Variants in GRID2 observed in about 807,000 individuals in gnomAD.
The protein encoded by GRID2 is glutamate receptor ionotropic, delta-2.
GRID2 carries 33 observed loss-of-function variants against 114.8 expected under a neutral mutation model. The observed-to-expected ratio is 0.29, with a 90% confidence interval of 0.22 to 0.38. The LOEUF is 0.38. GRID2 is among the 10% of genes least tolerant of loss of function. GRID2 has a pLI of 1.00. For synonymous variants in GRID2, 505 were observed against 449.9 expected, an observed-to-expected ratio of 1.12 and a Z score of -1.55; for missense variants, 1,184 against 1,257.7, an observed-to-expected ratio of 0.94 and a Z score of 0.89.
intron 2 of GRID2, among the ~76,000 whole-genome samples, chr4:92,661,247 G>A (rs1265363477): frequency 1.3e-5 from 2 of 150,762 alleles, no homozygotes; most frequent in Admixed American, 6.7e-5. Context: ...TCTGAAATGT[G>A]ACAAAAGTTA....
At chr4:93,362,616 C>T (rs936784136) in intron 8 of GRID2, among the ~76,000 whole-genome samples, 5 of 151,990 alleles carry the variant, frequency 3.3e-5, no homozygotes, top group African/African-American at 1.2e-4. Context: ...GTTCAATAAG[C>T]TATGTAGGGA....
chr4:92,405,889 T>C (rs931361691), intron 1 of GRID2, among the ~76,000 whole-genome samples: 14 of 152,058 alleles, frequency 9.2e-5, no homozygotes, highest in African/African-American at 3.1e-4. Context: ...GGGGAGTTTA[T>C]TAAGTATTAA....
intron 2 of GRID2, among the ~76,000 whole-genome samples, chr4:92,870,208 G>T (rs1204687459): frequency 6.7e-6 from 1 of 149,144 alleles, no homozygotes; most frequent in Non-Finnish European, 1.5e-5. Flanking sequence ...CTCTAAAAAA[G>T]AACAAAAAAA....
At chr4:93,497,819 T>C (rs2149469414) in intron 12 of GRID2, among the ~76,000 whole-genome samples, 1 of 151,988 alleles carries the variant, frequency 6.6e-6, no homozygotes, top group African/African-American at 2.4e-5. Context: ...TTTAGTTCCT[T>C]TGTCTTTTTA....
chr4:93,725,975 C>A (rs1276156714), intron 14 of GRID2, among the ~76,000 whole-genome samples: 1 of 152,142 alleles, frequency 6.6e-6, no homozygotes, highest in African/African-American at 2.4e-5. Context: ...TGTGCAGAAG[C>A]TCTTTAGTTT....
chr4:92,405,930 C>T (rs553900235), intron 1 of GRID2, among the ~76,000 whole-genome samples: 3 of 152,116 alleles, frequency 2.0e-5, no homozygotes, highest in South Asian at 4.1e-4. Context: ...CACAACAGGC[C>T]GTCTGCAAGC....
chr4:92,905,405 T>C (rs1490007027), intron 2 of GRID2, among the ~76,000 whole-genome samples: 1 of 150,204 alleles, frequency 6.7e-6, no homozygotes, highest in Middle Eastern at 3.4e-3. Context: ...CATATGATTG[T>C]GAGGATAGAG....
intron 4 of GRID2, among the ~76,000 whole-genome samples, chr4:93,122,889 G>GGTTTTTT (rs1733912821): frequency 1.8e-5 from 1 of 56,926 alleles, no homozygotes; most frequent in Non-Finnish European, 3.2e-5. Flanking sequence ...CACAGATGTG[G>GGTTTTTT]GTTTTTTTTT....
chr4:92,334,098 ATTCCTCCACATTC>A (rs1727041111), intron 1 of GRID2, among the ~76,000 whole-genome samples: 1 of 152,112 alleles, frequency 6.6e-6, no homozygotes, highest in Non-Finnish European at 1.5e-5. Flanking sequence ...CCTGGACACA[ATTCCTCCACATTC>A]TTTGCTACTT....
At chr4:92,472,685 T>C (rs1163011335) in intron 1 of GRID2, among the ~76,000 whole-genome samples, 1 of 152,160 alleles carries the variant, frequency 6.6e-6, no homozygotes, top group Non-Finnish European at 1.5e-5. Context: ...CAAAGAGTGT[T>C]AAGCATCTTC....
At chr4:93,556,989 C>T (rs564417604) in intron 13 of GRID2, among the ~76,000 whole-genome samples, 72 of 152,268 alleles carry the variant, frequency 4.7e-4, no homozygotes, top group Non-Finnish European at 4.9e-4. Flanking sequence ...TCCAGCCAAA[C>T]TAAGCTTCAT....
intron 2 of GRID2, among the ~76,000 whole-genome samples, chr4:92,653,926 A>G (rs1181174299): frequency 6.6e-6 from 1 of 152,144 alleles, no homozygotes; most frequent in African/African-American, 2.4e-5. Context: ...TAGATATCCT[A>G]TGTCACAAAC....
chr4:92,680,989 A>G (rs1733621739), intron 2 of GRID2, among the ~76,000 whole-genome samples: 1 of 152,172 alleles, frequency 6.6e-6, no homozygotes, highest in Non-Finnish European at 1.5e-5. Context: ...GATTAAAGTA[A>G]TTTTCTTAAG....
chr4:93,085,291 T>C lies in GRID2; in HGVS notation c.529+12T>C, dbSNP rs771033476. 29 of 1,596,966 alleles carry C rather than the reference T, an allele frequency of 1.8e-5. No homozygotes were observed. The highest frequency in any genetic ancestry group is 4.4e-5 in the South Asian group (4 of 90,698). On this transcript the variant is annotated intron_variant, in intron 3 of 15. Transcript: ENST00000282020. Reference sequence around the variant, plus strand: ...TGATAGTGAATACGGTAAGTGTTTATAATTTGTTTAGGTTTTGTAAGCTGA... The same window carrying C: ...TGATAGTGAATACGGTAAGTGTTTACAATTTGTTTAGGTTTTGTAAGCTGA...
chr4:92,335,462 A>G (rs778167803), intron 1 of GRID2, among the ~76,000 whole-genome samples: 2 of 152,214 alleles, frequency 1.3e-5, no homozygotes, highest in Non-Finnish European at 2.9e-5. Context: ...AATCATTATT[A>G]TGATTTATTT....
intron 2 of GRID2, among the ~76,000 whole-genome samples, chr4:92,972,867 G>T (rs1290060787): frequency 6.6e-6 from 1 of 151,880 alleles, no homozygotes; most frequent in Non-Finnish European, 1.5e-5. Flanking sequence ...ATTTGGTTTT[G>T]CTGTTCCTGT....
intron 1 of GRID2, among the ~76,000 whole-genome samples, chr4:92,420,254 A>T (rs1056748610): frequency 6.6e-6 from 1 of 152,166 alleles, no homozygotes; most frequent in South Asian, 2.1e-4. Flanking sequence ...TGATCCATTT[A>T]TGTATTTATT....
chr4:92,915,557 C>T (rs1294439328), intron 2 of GRID2, among the ~76,000 whole-genome samples: 1 of 152,072 alleles, frequency 6.6e-6, no homozygotes, highest in East Asian at 1.9e-4. Flanking sequence ...AACACAAAGC[C>T]TAACCATATC....
chr4:92,794,106 G>A (rs571676564), intron 2 of GRID2, among the ~76,000 whole-genome samples: 1 of 151,910 alleles, frequency 6.6e-6, no homozygotes, highest in African/African-American at 2.4e-5. Flanking sequence ...TTGCAAATAA[G>A]TGTAAATCTT....
Sources: gnomAD v4.1 joint callset for allele counts (sites outside exome capture counted in the v4.1 genomes callset) on GRCh38, gnomAD v4.1.1 for gene constraint, MANE v1.5 for transcripts, NCBI Gene and HGNC (gene_info 2026-07-23, HGNC 2026-07-21) for gene names.